Variants in TASP1 observed in about 807,000 individuals in gnomAD.
The protein encoded by TASP1 is taspase 1, also known as threonine aspartase 1.
A neutral mutation model predicts 56.6 loss-of-function variants in TASP1; 16 were observed. The observed-to-expected ratio is 0.28, with a 90% CI of 0.19 to 0.43. The LOEUF is 0.43. TASP1 is among the 20% of genes least tolerant of loss of function. The pLI is 1.00. For synonymous variants in TASP1, 179 were observed against 184.2 expected (o/e 0.97, Z 0.23); for missense variants, 393 against 511.6 (o/e 0.77, Z 2.24).
chr20:13,444,139 AG>A (rs2043315356), intron 11 of TASP1, among the ~76,000 whole-genome samples: 1 of 152,152 alleles, frequency 6.6e-6, no homozygotes, highest in African/African-American at 2.4e-5. Flanking sequence ...TCAGTATTAG[AG>A]ATTCATCTCT....
the TASP1 span, among the ~76,000 whole-genome samples, chr20:13,149,364 C>A: frequency 6.6e-6 from 1 of 152,202 alleles, no homozygotes; most frequent in African/African-American, 2.4e-5. Context: ...TCTGCTTTTG[C>A]AAATCACTCT....
At chr20:13,205,644 A>G in the TASP1 span, among the ~76,000 whole-genome samples, 1 of 152,222 alleles carries the variant, frequency 6.6e-6, no homozygotes, top group African/African-American at 2.4e-5. Flanking sequence ...CACTAATCCC[A>G]TTCATGAGGG....
At chr20:13,317,741 A>C in the TASP1 span, among the ~76,000 whole-genome samples, 1 of 152,170 alleles carries the variant, frequency 6.6e-6, no homozygotes, top group Non-Finnish European at 1.5e-5. Flanking sequence ...ATTCACATGC[A>C]AAACAAATGA....
At chr20:13,602,472 C>A (rs1249133644) in intron 4 of TASP1, among the ~76,000 whole-genome samples, 1 of 152,154 alleles carries the variant, frequency 6.6e-6, no homozygotes, top group African/African-American at 2.4e-5. Context: ...TTCATTATGA[C>A]AAATGTACCT....
intron 12 of TASP1, among the ~76,000 whole-genome samples, chr20:13,423,161 G>T (rs2042504823): frequency 6.6e-6 from 1 of 152,070 alleles, no homozygotes; most frequent in Non-Finnish European, 1.5e-5. Flanking sequence ...TGTATACAAT[G>T]AAATACTATG....
At chr20:13,467,040 G>A (rs1321457456) in intron 11 of TASP1, among the ~76,000 whole-genome samples, 2 of 151,942 alleles carry the variant, frequency 1.3e-5, no homozygotes, top group Non-Finnish European at 2.9e-5. Flanking sequence ...ATTTTCCTAT[G>A]GCTTTTTAAG....
the TASP1 span, among the ~76,000 whole-genome samples, chr20:13,365,539 T>C: frequency 7.6e-4 from 115 of 152,154 alleles, no homozygotes; most frequent in Non-Finnish European, 1.3e-3. Context: ...GCCTGAATGA[T>C]TGAAAGAAAA....
the TASP1 span, among the ~76,000 whole-genome samples, chr20:13,155,053 T>C: frequency 6.6e-6 from 1 of 151,932 alleles, no homozygotes; most frequent in South Asian, 2.1e-4. Flanking sequence ...TGGTGGTGCA[T>C]GCCTGTAGTC....
At chr20:13,272,238 C>T in the TASP1 span, among the ~76,000 whole-genome samples, 1 of 152,224 alleles carries the variant, frequency 6.6e-6, no homozygotes, top group African/African-American at 2.4e-5. Context: ...TCTCTCTCCA[C>T]AGACTAACAC....
chr20:13,548,084 G>A (rs771090791), intron 8 of TASP1, among the ~76,000 whole-genome samples: 5 of 152,082 alleles, frequency 3.3e-5, no homozygotes, highest in East Asian at 1.9e-4. Context: ...AATGTGACCC[G>A]GAGTGAGATG....
At chr20:13,126,592 A>T in the TASP1 span, 1 of 1,613,206 alleles carries the variant, frequency 6.2e-7, no homozygotes, top group Non-Finnish European at 8.5e-7. Flanking sequence ...TTATTTAAGG[A>T]CCTCGTGGAT....
chr20:13,162,880 A>G, the TASP1 span, among the ~76,000 whole-genome samples: 2 of 151,970 alleles, frequency 1.3e-5, no homozygotes, highest in East Asian at 3.9e-4. Flanking sequence ...TAAGATGCCC[A>G]CGGTTCTTCT....
chr20:13,526,022 G>A (rs1415331569), intron 10 of TASP1, among the ~76,000 whole-genome samples: 2 of 152,144 alleles, frequency 1.3e-5, no homozygotes, highest in African/African-American at 4.8e-5. Flanking sequence ...ATATTCAAAA[G>A]CAATGGAGAA....
At chr20:13,124,317 G>A in the TASP1 span, among the ~76,000 whole-genome samples, 1 of 151,846 alleles carries the variant, frequency 6.6e-6, no homozygotes, top group Non-Finnish European at 1.5e-5. Flanking sequence ...GAAGGGGGGA[G>A]GGGGAGAAGA....
chr20:13,520,210 T>C (rs554772125), intron 10 of TASP1, among the ~76,000 whole-genome samples: 3 of 152,254 alleles, frequency 2.0e-5, no homozygotes, highest in African/African-American at 4.8e-5. Context: ...AGGTAATTTA[T>C]AGATTCAATG....
At chr20:13,482,163 T>C (rs950719496) in intron 11 of TASP1, among the ~76,000 whole-genome samples, 4 of 152,260 alleles carry the variant, frequency 2.6e-5, no homozygotes, top group East Asian at 1.9e-4. Flanking sequence ...CAGCACCATT[T>C]GTTGAAGAGA....
the TASP1 span, among the ~76,000 whole-genome samples, chr20:13,187,255 C>T: frequency 6.6e-6 from 1 of 151,764 alleles, no homozygotes; most frequent in Non-Finnish European, 1.5e-5. Flanking sequence ...AAAGGTAGAA[C>T]ATATGAGTAA....
At chr20:13,351,806 G>A in the TASP1 span, among the ~76,000 whole-genome samples, 1 of 152,118 alleles carries the variant, frequency 6.6e-6, no homozygotes, top group Non-Finnish European at 1.5e-5. Context: ...TTAAAAGTAA[G>A]CTTTGTGTCA....
At chr20:13,559,175 C>A in intron 7 of TASP1, 61 bp from the exon 8 acceptor site, 2 of 1,051,716 alleles carry the variant, frequency 1.9e-6, no homozygotes, top group South Asian at 4.2e-5. Flanking sequence ...GGCAATGGGT[C>A]AAATAAGATA....
Sources: allele counts gnomAD v4.1 joint callset (sites outside exome capture counted in the v4.1 genomes callset), GRCh38; gene constraint gnomAD v4.1.1; transcripts MANE v1.5; gene names NCBI Gene and HGNC (gene_info 2026-07-23, HGNC 2026-07-21).